The following TSHZ1 variants were observed in gnomAD, a reference collection of about 807,000 sequenced individuals.
TSHZ1 encodes the protein teashirt homolog 1.
In TSHZ1, 12 loss-of-function variants were observed where a neutral mutation model predicts 67.1. That is an observed-to-expected ratio of 0.18 (90% CI 0.11 to 0.29). The LOEUF is 0.29. TSHZ1 is among the 10% of genes least tolerant of loss of function. TSHZ1 has a pLI of 1.00. For synonymous variants in TSHZ1, 632 were observed against 622.4 expected, an observed-to-expected ratio of 1.02 and a Z score of -0.23; for missense variants, 1,305 against 1,413.9, an observed-to-expected ratio of 0.92 and a Z score of 1.23.
At chr18:75,250,184 T>C (rs1475671256) in intron 1 of TSHZ1, among the ~76,000 whole-genome samples, 1 of 147,388 alleles carries the variant, frequency 6.8e-6, no homozygotes, top group African/African-American at 2.5e-5. Flanking sequence ...CTCCAGTAGG[T>C]GGGGGGGTGA....
At chr18:75,232,563 C>T (rs1568355126) in intron 1 of TSHZ1, among the ~76,000 whole-genome samples, 2 of 152,180 alleles carry the variant, frequency 1.3e-5, no homozygotes, top group South Asian at 2.1e-4. Context: ...GTCTGAAACA[C>T]GTCCTTTTGA....
intron 1 of TSHZ1, among the ~76,000 whole-genome samples, chr18:75,227,410 T>G (rs2022940741): frequency 6.6e-6 from 1 of 151,992 alleles, no homozygotes; most frequent in Non-Finnish European, 1.5e-5. Context: ...AAAAGGATAT[T>G]TTGGAGGAGG....
chr18:75,222,246 G>T (rs1423584338), intron 1 of TSHZ1, among the ~76,000 whole-genome samples: 6 of 151,094 alleles, frequency 4.0e-5, no homozygotes, highest in Admixed American at 6.6e-5. Flanking sequence ...TTTTAAGCAG[G>T]TATTGAACTG....
intron 1 of TSHZ1, among the ~76,000 whole-genome samples, chr18:75,261,074 A>G (rs1196250422): frequency 6.6e-6 from 1 of 151,902 alleles, no homozygotes; most frequent in African/African-American, 2.4e-5. Context: ...CATTGGCCAC[A>G]TCTCCTCCCA....
chr18:75,278,977 C>G (rs886196831), intron 1 of TSHZ1, among the ~76,000 whole-genome samples: 1 of 152,134 alleles, frequency 6.6e-6, no homozygotes, highest in African/African-American at 2.4e-5. Context: ...CTTGCACCCA[C>G]TAAGTCTGTG....
At position 75,287,257 on chromosome 18, in the gene TSHZ1, A is replaced by T. The variant is rs764818545; in HGVS notation, c.1850A>T (p.His617Leu). ...GTGAAGTCGCTGTCTTCCGCCGAGC[A>T]CAACGCCCTCCTGCACTCCCCAGGG... is the stretch of plus-strand genomic sequence containing the variant. ...GGVKSLSSAE[H>L]NALLHSPGSL... Residue 617 changes from histidine (H) to leucine (L), a missense_variant, in exon 2 of 2, where the codon CAC (histidine) becomes CTC (leucine). His to Leu is a moderately conservative substitution (Grantham distance 99). This residue lies in a region of TSHZ1 where 909 missense variants were observed against 961.8 expected (regional missense o/e 0.95). Coordinates refer to ENST00000580243, the MANE Select transcript of TSHZ1 (RefSeq NM_001308210.2). This position sits in a 1 kb window ranked among gnomAD's most constrained non-coding sequence, Gnocchi z 5.0. 1.2e-6 allele frequency: 2 copies of T among 1,614,024 alleles called. No individual in the cohort carries two copies. Among genetic ancestry groups the T allele is most frequent in the East Asian group, 4.5e-5 (2 of 44,848 alleles).
At position 75,287,876 on chromosome 18, in the gene TSHZ1, C is replaced by T. The variant is rs755622540; in HGVS notation, c.2469C>T (p.Ser823=). Residue 823 remains serine (S), a synonymous_variant, in exon 2 of 2, where the codon AGC becomes AGT. Coordinates refer to ENST00000580243, the MANE Select transcript of TSHZ1 (RefSeq NM_001308210.2). This position sits in a 1 kb window ranked among gnomAD's most constrained non-coding sequence, Gnocchi z 5.0. Reference sequence around the variant, plus strand: ...CCAAGAACAAGCCGCTGGTGTCCAGCGTGGCTGATTCGGTGGCATCACCTC... The same window carrying T: ...CCAAGAACAAGCCGCTGGTGTCCAGTGTGGCTGATTCGGTGGCATCACCTC... ...TKSKNKPLVS[S]VADSVASPLR... The T allele has an allele frequency of 1.4e-5, 23 of 1,614,074 alleles. No homozygotes were observed. The Admixed American group carries it at 1.7e-4, about 12-fold the overall frequency.
chr18:75,256,528 A>G (rs574367795), intron 1 of TSHZ1, among the ~76,000 whole-genome samples: 33 of 152,360 alleles, frequency 2.2e-4, no homozygotes, highest in African/African-American at 7.7e-4. Context: ...AAAATGCCAC[A>G]AAATGGAGAG....
At chr18:75,219,590 G>C (rs949660267) in intron 1 of TSHZ1, among the ~76,000 whole-genome samples, 4 of 152,176 alleles carry the variant, frequency 2.6e-5, no homozygotes, top group Non-Finnish European at 5.9e-5. Context: ...TTGCCATGCA[G>C]TCTTTGCTTT....
intron 1 of TSHZ1, among the ~76,000 whole-genome samples, chr18:75,243,473 T>C (rs1422768411): frequency 6.6e-6 from 1 of 151,930 alleles, no homozygotes; most frequent in Non-Finnish European, 1.5e-5. Context: ...AGATAACTTG[T>C]TATGGGGAGT....
chr18:75,277,676 T>C (rs1398132247), intron 1 of TSHZ1, among the ~76,000 whole-genome samples: 1 of 152,130 alleles, frequency 6.6e-6, no homozygotes, highest in Non-Finnish European at 1.5e-5. Context: ...ATGCTGTTCT[T>C]GAGGGCTCTT....
chr18:75,289,905 T>C lies in TSHZ1; in HGVS notation c.*1264T>C, dbSNP rs370764011. ...GTTCACACAATTAAATCCACTGTTTTCTCAGATGTAAAATAAACCCACATG... is the reference window on the plus strand; with the variant it reads ...GTTCACACAATTAAATCCACTGTTTCCTCAGATGTAAAATAAACCCACATG... On this transcript the variant is annotated 3_prime_UTR_variant, in exon 2 of 2. Coordinates refer to ENST00000580243, the MANE Select transcript of TSHZ1 (RefSeq NM_001308210.2). 1 of 167,250 alleles carries C rather than the reference T, an allele frequency of 6.0e-6. No homozygotes were observed. The highest frequency in any genetic ancestry group is 1.9e-4 in the East Asian group (1 of 5,192). 10.4% of individuals were successfully genotyped at this position (167,250 alleles called of 1,614,324 possible). A position where few individuals can be genotyped will look rare whatever the true frequency, so the allele number is the denominator to read the frequency against.
At chr18:75,219,295 G>A (rs1219164722) in intron 1 of TSHZ1, among the ~76,000 whole-genome samples, 2 of 152,202 alleles carry the variant, frequency 1.3e-5, no homozygotes, top group Non-Finnish European at 2.9e-5. Flanking sequence ...TTTATCAATA[G>A]GGTTGATAGA....
chr18:75,275,618 G>A (rs955304347), intron 1 of TSHZ1, among the ~76,000 whole-genome samples: 1 of 152,174 alleles, frequency 6.6e-6, no homozygotes, highest in African/African-American at 2.4e-5. Context: ...CGTTTCAGGG[G>A]GTCAGATAGT....
chr18:75,274,111 C>T (rs1306942791), intron 1 of TSHZ1, among the ~76,000 whole-genome samples: 1 of 152,164 alleles, frequency 6.6e-6, no homozygotes, highest in Non-Finnish European at 1.5e-5. Flanking sequence ...ACACACTGTA[C>T]ACGCTCACAC....
intron 1 of TSHZ1, among the ~76,000 whole-genome samples, chr18:75,236,542 G>A (rs2023073894): frequency 6.6e-6 from 1 of 152,120 alleles, no homozygotes; most frequent in Non-Finnish European, 1.5e-5. Context: ...CCCTTGCAAA[G>A]TGCCGATATC....
intron 1 of TSHZ1, among the ~76,000 whole-genome samples, chr18:75,278,003 A>G (rs2023635499): frequency 6.6e-6 from 1 of 151,514 alleles, no homozygotes; most frequent in Non-Finnish European, 1.5e-5. Flanking sequence ...CAGACATCAA[A>G]TCCGTACCTT....
chr18:75,222,477 T>TC (rs2022859677), intron 1 of TSHZ1, among the ~76,000 whole-genome samples: 1 of 152,160 alleles, frequency 6.6e-6, no homozygotes, highest in Non-Finnish European at 1.5e-5. Context: ...TCCTTTTTTT[T>TC]CTCAACTCCT....
chr18:75,229,628 G>A (rs1002906797), intron 1 of TSHZ1, among the ~76,000 whole-genome samples: 10 of 152,372 alleles, frequency 6.6e-5, no homozygotes, highest in Admixed American at 2.6e-4. Flanking sequence ...TGGCTCTTGC[G>A]AGGACAGGTG....
Sources: allele counts gnomAD v4.1 joint callset (sites outside exome capture counted in the v4.1 genomes callset), GRCh38; gene constraint gnomAD v4.1.1; regional missense constraint gnomAD v4.1.1; non-coding constraint Gnocchi (gnomAD v3.1); transcripts MANE v1.5; gene names NCBI Gene and HGNC (gene_info 2026-07-23, HGNC 2026-07-21).